TMCC1: variants seen among roughly 807,000 people sequenced by gnomAD.
TMCC1 encodes the protein transmembrane and coiled-coil domain family 1.
In TMCC1, 15 loss-of-function variants were observed where a neutral mutation model predicts 52.4. That is an observed-to-expected ratio of 0.29 (90% CI 0.19 to 0.44). The LOEUF is 0.44. Among genes scored for constraint, TMCC1 ranks in the 20% least tolerant of loss-of-function variants. The pLI is 1.00. For synonymous variants in TMCC1, 279 were observed against 301.9 expected (o/e 0.92, Z 0.79); for missense variants, 503 against 806.0 (o/e 0.62, Z 4.55).
At position 129,828,423 on chromosome 3, in the gene TMCC1, A is replaced by T. The variant is rs774646909; in HGVS notation, c.-45T>A. 12 of 1,571,324 alleles carry T rather than the reference A, an allele frequency of 7.6e-6. No individual in the cohort carries two copies. In the Admixed American group the frequency reaches 2.1e-4, roughly 28 times the overall value. ...ATTTGCAAACTCAAAAAAATTTTTT[A>T]AACACACCAAGAGTGTCAAATTAGG... On this transcript the variant is annotated 5_prime_UTR_variant, in exon 4 of 7. Coordinates refer to ENST00000393238, the MANE Select transcript of TMCC1 (RefSeq NM_001017395.5). The surrounding 1 kb of genome is among the most constrained non-coding windows in gnomAD (Gnocchi z 4.1).
At chr3:129,883,543 G>A (rs954987583) in intron 1 of TMCC1, among the ~76,000 whole-genome samples, 2 of 152,088 alleles carry the variant, frequency 1.3e-5, no homozygotes, top group Admixed American at 6.5e-5. Flanking sequence ...GAACCTAGGA[G>A]GTCAAGGCTG....
chr3:129,882,615 G>A (rs2061509115), intron 1 of TMCC1, among the ~76,000 whole-genome samples: 1 of 152,182 alleles, frequency 6.6e-6, no homozygotes, highest in Non-Finnish European at 1.5e-5. Flanking sequence ...AGCAACTCAA[G>A]TGTCATATGT....
intron 2 of TMCC1, among the ~76,000 whole-genome samples, chr3:129,873,837 C>T (rs2061053504): frequency 6.6e-6 from 1 of 152,036 alleles, no homozygotes; most frequent in Non-Finnish European, 1.5e-5. Flanking sequence ...TTATACCTAC[C>T]AGGCAAGCAT....
chr3:129,653,049 T>G (rs1484622325), intron 6 of TMCC1, among the ~76,000 whole-genome samples: 1 of 152,246 alleles, frequency 6.6e-6, no homozygotes, highest in African/African-American at 2.4e-5. Context: ...AGTATCACAC[T>G]ATAGGAATCG....
intron 2 of TMCC1, among the ~76,000 whole-genome samples, chr3:129,878,917 T>C (rs543365223): frequency 1.1e-4 from 17 of 152,340 alleles, no homozygotes; most frequent in African/African-American, 2.9e-4. Context: ...GGCAAGCTTC[T>C]GTCTCAGGAC....
At chr3:129,808,421 G>A (rs62265584) in intron 4 of TMCC1, among the ~76,000 whole-genome samples, 12,718 of 151,702 alleles carry the variant, frequency 0.084, 717 homozygotes, top group East Asian at 0.19. Flanking sequence ...GGTGGAGGTT[G>A]CAATGAGCCA....
chr3:129,793,166 A>AACACACACACAC (rs149082077), intron 4 of TMCC1, among the ~76,000 whole-genome samples: 47 of 148,522 alleles, frequency 3.2e-4, no homozygotes, highest in African/African-American at 1.0e-3. Context: ...GAGGCCTTCA[A>AACACACACACAC]ACACACACAC....
intron 2 of TMCC1, among the ~76,000 whole-genome samples, chr3:129,858,598 G>A (rs935012811): frequency 4.0e-5 from 6 of 151,848 alleles, no homozygotes; most frequent in African/African-American, 9.7e-5. Flanking sequence ...TCTCAAGCTC[G>A]TGAGCTCAAG....
At chr3:129,718,993 C>T (rs9990031) in intron 4 of TMCC1, among the ~76,000 whole-genome samples, 95,183 of 152,070 alleles carry the variant, frequency 0.63, 34,936 homozygotes, top group Non-Finnish European at 0.83. Context: ...TGTATTTGGT[C>T]GTCTTCTCCT....
chr3:129,875,127 G>T (rs553019217), intron 2 of TMCC1, among the ~76,000 whole-genome samples: 2 of 151,768 alleles, frequency 1.3e-5, no homozygotes, highest in Admixed American at 1.3e-4. Context: ...ATCTAAGGTA[G>T]GCGGATCACT....
intron 4 of TMCC1, among the ~76,000 whole-genome samples, chr3:129,737,972 TAAAAG>T (rs1180514804): frequency 2.6e-5 from 4 of 151,892 alleles, no homozygotes; most frequent in African/African-American, 9.7e-5. Context: ...ACTTCTTTCT[TAAAAG>T]AAAGAGAGCT....
intron 2 of TMCC1, among the ~76,000 whole-genome samples, chr3:129,877,860 T>C (rs2107984827): frequency 6.6e-6 from 1 of 152,156 alleles, no homozygotes; most frequent in South Asian, 2.1e-4. Flanking sequence ...GATCTCCTGA[T>C]CTCCTGATCT....
chr3:129,747,911 A>G (rs1265847949), intron 4 of TMCC1, among the ~76,000 whole-genome samples: 2 of 152,234 alleles, frequency 1.3e-5, no homozygotes, highest in East Asian at 3.8e-4. Flanking sequence ...GTAATAACTA[A>G]GAAAGAACCC....
chr3:129,748,053 T>C (rs1014593826), intron 4 of TMCC1, among the ~76,000 whole-genome samples: 1 of 152,192 alleles, frequency 6.6e-6, no homozygotes, highest in Non-Finnish European at 1.5e-5. Flanking sequence ...TAGGAAAACA[T>C]GGACTTAATC....
chr3:129,781,013 C>CACAGAT (rs1491205420), intron 4 of TMCC1, among the ~76,000 whole-genome samples: 2 of 152,166 alleles, frequency 1.3e-5, no homozygotes, highest in Non-Finnish European at 2.9e-5. Context: ...CACTGGCCAT[C>CACAGAT]ACAGATACAG....
intron 4 of TMCC1, among the ~76,000 whole-genome samples, chr3:129,772,078 G>A (rs1004696210): frequency 6.6e-6 from 1 of 152,154 alleles, no homozygotes; most frequent in Admixed American, 6.5e-5. Flanking sequence ...AAAAACTTTG[G>A]CCAGGTGTGG....
intron 2 of TMCC1, among the ~76,000 whole-genome samples, chr3:129,851,302 C>T (rs2059907531): frequency 6.6e-6 from 1 of 152,194 alleles, no homozygotes; most frequent in African/African-American, 2.4e-5. Flanking sequence ...TCCTTTCCTT[C>T]CTGTAGGCTT....
At chr3:129,749,044 G>A (rs2052258500) in intron 4 of TMCC1, among the ~76,000 whole-genome samples, 1 of 151,840 alleles carries the variant, frequency 6.6e-6, no homozygotes, top group South Asian at 2.1e-4. Flanking sequence ...ATTAAAAATT[G>A]AATTTCCACA....
At chr3:129,722,308 T>C (rs949689637) in intron 4 of TMCC1, among the ~76,000 whole-genome samples, 6 of 152,170 alleles carry the variant, frequency 3.9e-5, no homozygotes, top group Non-Finnish European at 7.4e-5. Flanking sequence ...GCGAGGGATC[T>C]AGGTTGCATG....
Sources: allele counts gnomAD v4.1 joint callset (sites outside exome capture counted in the v4.1 genomes callset), GRCh38; gene constraint gnomAD v4.1.1; non-coding constraint Gnocchi (gnomAD v3.1); transcripts MANE v1.5; gene names NCBI Gene and HGNC (gene_info 2026-07-23, HGNC 2026-07-21).